The following BABAM1 variants were observed in gnomAD, a reference collection of about 807,000 sequenced individuals.
BABAM1 encodes BRISC and BRCA1 A complex member 1.
Under a neutral mutation model 34.4 loss-of-function variants are expected in BABAM1, and 14 were observed. The observed-to-expected ratio is 0.41, with a 90% CI of 0.27 to 0.64. BABAM1 has a LOEUF of 0.64. Among genes scored for constraint, BABAM1 ranks in the 30% least tolerant of loss-of-function variants. The pLI is 0.34. For missense variants in BABAM1, 393 were observed against 434.0 expected (o/e 0.91, Z 0.84); for synonymous variants, 169 against 165.8 (o/e 1.02, Z -0.15).
At chr19:17,273,545 GTTTT>G (rs1186960091) in intron 3 of BABAM1, among the ~76,000 whole-genome samples, 1 of 35,140 alleles carries the variant, frequency 2.8e-5, no homozygotes, top group Non-Finnish European at 8.4e-5. Flanking sequence ...GCTGAAGGAA[GTTTT>G]TTTTTGTTTG....
intron 1 of BABAM1, among the ~76,000 whole-genome samples, 163 bp downstream of exon 1, chr19:17,267,690 G>C (rs894875366): frequency 2.0e-5 from 3 of 152,102 alleles, no homozygotes; most frequent in Non-Finnish European, 4.4e-5. Context: ...GTTTTTCTTA[G>C]AGGTGTGGGG....
At chr19:17,270,524 CTTTTTT>C (rs955870596) in intron 2 of BABAM1, among the ~76,000 whole-genome samples, 1 of 125,894 alleles carries the variant, frequency 7.9e-6, no homozygotes, top group Non-Finnish European at 1.7e-5. Context: ...AGGTCACATT[CTTTTTT>C]TTTTTTTTTT....
At chr19:17,277,008 C>A (rs2073917537) in intron 8 of BABAM1, 99 bp downstream of exon 8, 6 of 1,149,462 alleles carry the variant, frequency 5.2e-6, no homozygotes, top group Middle Eastern at 2.8e-4. Flanking sequence ...CCATTTGATA[C>A]CCCTGGAACC....
chr19:17,270,852 T>C (rs192160704), intron 2 of BABAM1, among the ~76,000 whole-genome samples: 35 of 148,338 alleles, frequency 2.4e-4, no homozygotes, highest in African/African-American at 7.8e-4. Flanking sequence ...CACGCCTGGC[T>C]AATTTTTTTG....
At chr19:17,271,345 C>T (rs143944818) in intron 2 of BABAM1, among the ~76,000 whole-genome samples, 239 of 152,224 alleles carry the variant, frequency 1.6e-3, no homozygotes, top group African/African-American at 5.6e-3. Flanking sequence ...AGCCACAGTT[C>T]GATCCACTAT....
intron 3 of BABAM1, among the ~76,000 whole-genome samples, chr19:17,271,894 C>A (rs2073845369): frequency 6.6e-6 from 1 of 151,970 alleles, no homozygotes; most frequent in African/African-American, 2.4e-5. Context: ...GCAACATGGA[C>A]CCCATCTCTA....
Position 17,279,061 on chromosome 19 carries a change from C to CAG in BABAM1, c.*14_*15insGA. 1.9e-6 allele frequency: 3 copies of CAG among 1,600,846 alleles called. No homozygotes were observed. Among genetic ancestry groups the CAG allele is most frequent in the Non-Finnish European group, 2.6e-6 (3 of 1,171,658 alleles). ...GGCCACTGTCTGAACCATCCCTGTA[C>CAG]ATCTGCACCTTCTTGTGCAAGGAAG... On this transcript the variant is annotated 3_prime_UTR_variant, in exon 9 of 9. Transcript: ENST00000598188.
Position 17,273,909 on chromosome 19 carries a change from A to G in BABAM1, c.350A>G (p.Lys117Arg). 6.2e-7 allele frequency: 1 copy of G among 1,610,116 alleles called. No individual in the cohort carries two copies. The highest frequency in any genetic ancestry group is 1.7e-5 in the Admixed American group (1 of 59,192). Residue 117 changes from lysine to arginine, a missense_variant, in exon 4 of 9, where the codon AAA becomes AGA. Physicochemically the swap from Lys to Arg is conservative, Grantham distance 26 (BLOSUM62 2). Transcript: ENST00000598188. ...TGTACTCTCTGCCTCCCCAGCTCCA[A>G]AACCAACGCCCTCAATGTCTCCCAG... ...LPKLESFNGS[K>R]TNALNVSQKM...
chr19:17,273,881 C>T (rs772640909), intron 3 of BABAM1, 23 bp from the exon 4 acceptor site: 1 of 1,583,482 alleles, frequency 6.3e-7, no homozygotes, highest in Non-Finnish European at 8.6e-7. Context: ...ACCTTAATTC[C>T]CCTGTACTCT....
intron 1 of BABAM1, 54 bp from the exon 2 acceptor site, chr19:17,268,740 T>A (rs1461831196): frequency 1.3e-6 from 2 of 1,490,632 alleles, no homozygotes; most frequent in South Asian, 2.7e-5. Context: ...TAACCAAATG[T>A]TTTTAAAACT....
chr19:17,272,997 A>T (rs1340931918), intron 3 of BABAM1, among the ~76,000 whole-genome samples: 1 of 152,166 alleles, frequency 6.6e-6, no homozygotes, highest in African/African-American at 2.4e-5. Context: ...CAGCCTGGGC[A>T]ACAAGAACGA....
In BABAM1 at chr19:17,276,497, A is replaced by G. The variant is rs1044961359; in HGVS notation, c.572A>G (p.Gln191Arg). ...GCTCCCTCCTCCCGGGTATGCAGCC[A>G]GCAGAAAACTGAGCTTCCGGTCACA... ...FNLEGLFSLI[Q>R]QKTELPVTEN... is the part of the protein sequence containing the mutation. The change falls in exon 7 of 9, where the codon CAG becomes CGG. Residue 191 changes from glutamine (Q) to arginine (R), a missense_variant and splice_region_variant. Gln to Arg is a conservative substitution (Grantham distance 43, BLOSUM62 1). Coordinates refer to ENST00000598188, the MANE Select transcript of BABAM1 (RefSeq NM_014173.4). 4 of 1,592,290 alleles carry G rather than the reference A, an allele frequency of 2.5e-6. No homozygotes were observed. Among genetic ancestry groups the G allele is most frequent in the South Asian group, 1.1e-5 (1 of 87,448 alleles).
At chr19:17,273,559 G>GTTTTTTTTTTTTTTTTTTTTTT (rs1252906493) in intron 3 of BABAM1, among the ~76,000 whole-genome samples, 8 of 24,612 alleles carry the variant, frequency 3.3e-4, no homozygotes, top group Non-Finnish European at 6.0e-4. Context: ...TTTTTTGTTT[G>GTTTTTTTTTTTTTTTTTTTTTT]TTTTGTTTTT....
chr19:17,268,782 TG>T lies in BABAM1; in HGVS notation c.-13-11del. 6.3e-7 allele frequency: 1 copy of T among 1,575,462 alleles called. No individual in the cohort carries two copies. On this transcript the variant is annotated splice_polypyrimidine_tract_variant and intron_variant, in intron 1 of 8. Transcript: ENST00000598188. ...GGAGGATTCTGGCTTCCCCTGTCCGTGTTCCATCTAGCCACACAGGAGCCAT... is the reference window on the plus strand; with the variant it reads ...GGAGGATTCTGGCTTCCCCTGTCCGTTTCCATCTAGCCACACAGGAGCCAT...
chr19:17,277,232 C>A, intron 8 of BABAM1: 1 of 230,984 alleles, frequency 4.3e-6, no homozygotes, highest in Non-Finnish European at 8.5e-6. Context: ...GACAGAGTCT[C>A]CCTCTGTCTC....
intron 2 of BABAM1, among the ~76,000 whole-genome samples, chr19:17,270,637 T>C (rs1302150283): frequency 1.3e-5 from 2 of 149,992 alleles, no homozygotes; most frequent in African/African-American, 4.9e-5. Context: ...ATGATTCTCC[T>C]GCCTCAGCCT....
rs142872822 is a variant in BABAM1, at chr19:17,272,101, C to T, written c.344+446C>T. Among the ~76,000 whole-genome samples, 26 of 152,042 alleles carry T rather than the reference C, an allele frequency of 1.7e-4. No homozygotes were observed. The East Asian group carries it at 4.7e-3, about 27-fold the overall frequency. ...GATTATAGGCATGCACCACCATGCC[C>T]GTTTAATTTTTGTATTTTTAGTAGA... is the stretch of plus-strand genomic sequence containing the variant. On this transcript the variant is annotated intron_variant, in intron 3 of 8. Coordinates refer to ENST00000598188, the MANE Select transcript of BABAM1 (RefSeq NM_014173.4).
chr19:17,269,313 G>C (rs1412487996), intron 2 of BABAM1, among the ~76,000 whole-genome samples: 1 of 151,868 alleles, frequency 6.6e-6, no homozygotes, highest in Non-Finnish European at 1.5e-5. Context: ...GGCTCTAAGG[G>C]AGGGAATTCT....
intron 5 of BABAM1, among the ~76,000 whole-genome samples, chr19:17,275,275 C>G (rs1044914758): frequency 8.0e-5 from 12 of 150,510 alleles, no homozygotes; most frequent in Non-Finnish European, 1.3e-4. Context: ...CCATGGCTCC[C>G]TGTGGATCTT....
Sources: allele counts gnomAD v4.1 joint callset (sites outside exome capture counted in the v4.1 genomes callset), GRCh38; gene constraint gnomAD v4.1.1; transcripts MANE v1.5; gene names NCBI Gene and HGNC (gene_info 2026-07-23, HGNC 2026-07-21).